Variants in CSMD3 observed in about 807,000 individuals in gnomAD.
CSMD3 encodes CUB and sushi domain-containing protein 3.
A neutral mutation model predicts 435.2 loss-of-function variants in CSMD3; 177 were observed. That is an observed-to-expected ratio of 0.41 (90% confidence interval 0.36 to 0.46). The LOEUF (loss-of-function observed/expected upper bound fraction) is 0.46. CSMD3 is among the 20% of genes least tolerant of loss of function. The pLI, the probability that CSMD3 is intolerant of heterozygous loss-of-function variation, is 0.34. For synonymous variants in CSMD3, 1,656 were observed against 1,520.5 expected (o/e 1.09, Z -2.07); for missense variants, 4,265 against 4,504.6 (o/e 0.95, Z 1.52).
chr8:112,952,081 T>G (rs757401055), intron 8 of CSMD3, among the ~76,000 whole-genome samples: 1 of 151,536 alleles, frequency 6.6e-6, no homozygotes, highest in African/African-American at 2.4e-5. Context: ...ATAGTTTCTT[T>G]TCTTGGTGAA....
intron 13 of CSMD3, among the ~76,000 whole-genome samples, chr8:112,725,341 G>A (rs73702203): frequency 6.6e-6 from 1 of 151,884 alleles, no homozygotes; most frequent in Non-Finnish European, 1.5e-5. Context: ...TGCGACTTCA[G>A]TTATATTAAC....
chr8:112,948,630 T>G (rs1437152675), intron 8 of CSMD3, among the ~76,000 whole-genome samples: 1 of 151,966 alleles, frequency 6.6e-6, no homozygotes, highest in South Asian at 2.1e-4. Flanking sequence ...AATATCTGAG[T>G]GATATTGTTT....
chr8:113,376,776 C>A, intron 1 of CSMD3: 1 of 1,613,900 alleles, frequency 6.2e-7, no homozygotes, highest in Non-Finnish European at 8.5e-7. Context: ...AGGTTTCCAG[C>A]AAAGGAACCA....
At chr8:112,348,112 G>A (rs1011555356) in intron 40 of CSMD3, among the ~76,000 whole-genome samples, 4 of 152,196 alleles carry the variant, frequency 2.6e-5, no homozygotes, top group Admixed American at 6.5e-5. Context: ...AATCATTAGA[G>A]ACATATGAAG....
intron 13 of CSMD3, among the ~76,000 whole-genome samples, chr8:112,743,196 C>T (rs1023951390): frequency 6.6e-6 from 1 of 151,628 alleles, no homozygotes; most frequent in African/African-American, 2.4e-5. Context: ...CAAACTAAAT[C>T]TTAAGAGACA....
chr8:112,992,870 T>C (rs1255804252), intron 6 of CSMD3, among the ~76,000 whole-genome samples: 2 of 151,364 alleles, frequency 1.3e-5, no homozygotes, highest in Non-Finnish European at 3.0e-5. Flanking sequence ...GGTAGTTTGC[T>C]GCTATAAGAA....
chr8:112,783,991 T>C (rs2078470221), intron 13 of CSMD3, among the ~76,000 whole-genome samples: 1 of 152,200 alleles, frequency 6.6e-6, no homozygotes, highest in Non-Finnish European at 1.5e-5. Context: ...AATACAATTA[T>C]AGCTGGAGAT....
intron 32 of CSMD3, among the ~76,000 whole-genome samples, chr8:112,419,878 G>A (rs773548456): frequency 2.0e-5 from 3 of 151,872 alleles, no homozygotes; most frequent in Non-Finnish European, 2.9e-5. Flanking sequence ...AAAAGCAAAC[G>A]AAATAAAGAA....
At chr8:112,769,035 T>G (rs1313113655) in intron 13 of CSMD3, among the ~76,000 whole-genome samples, 2 of 151,912 alleles carry the variant, frequency 1.3e-5, no homozygotes, top group East Asian at 1.9e-4. Flanking sequence ...AGTTTATACA[T>G]GTAAAACATA....
intron 13 of CSMD3, among the ~76,000 whole-genome samples, chr8:112,753,631 C>A (rs1432326503): frequency 1.3e-5 from 2 of 152,128 alleles, no homozygotes; most frequent in South Asian, 4.1e-4. Context: ...TATAAAAGAT[C>A]TTTTCATGGA....
chr8:112,749,558 C>A (rs1370078832), intron 13 of CSMD3, among the ~76,000 whole-genome samples: 1 of 151,928 alleles, frequency 6.6e-6, no homozygotes, highest in Non-Finnish European at 1.5e-5. Flanking sequence ...AAGACTTAAA[C>A]GTAAAACCCA....
chr8:113,153,912 T>A (rs984914267), intron 4 of CSMD3, among the ~76,000 whole-genome samples: 3 of 151,960 alleles, frequency 2.0e-5, no homozygotes, highest in African/African-American at 7.2e-5. Context: ...AAGCTTGTGA[T>A]GGTATGAGAA....
chr8:113,077,979 T>G (rs1466956971), intron 5 of CSMD3, among the ~76,000 whole-genome samples: 1 of 152,162 alleles, frequency 6.6e-6, no homozygotes, highest in Non-Finnish European at 1.5e-5. Context: ...AACAAAAGCA[T>G]GAAAAGACAT....
intron 13 of CSMD3, among the ~76,000 whole-genome samples, chr8:112,755,715 A>G (rs2077682862): frequency 6.6e-6 from 1 of 151,102 alleles, no homozygotes; most frequent in African/African-American, 2.4e-5. Flanking sequence ...TGACAAGGAT[A>G]ACCACAACCA....
At chr8:112,815,685 G>A (rs950906548) in intron 12 of CSMD3, among the ~76,000 whole-genome samples, 1 of 152,006 alleles carries the variant, frequency 6.6e-6, no homozygotes, top group Non-Finnish European at 1.5e-5. Context: ...ACAATTCAAT[G>A]TATTCAAAAA....
At chr8:112,805,723 C>T (rs2079070051) in intron 12 of CSMD3, among the ~76,000 whole-genome samples, 1 of 152,130 alleles carries the variant, frequency 6.6e-6, no homozygotes, top group Admixed American at 6.5e-5. Context: ...TTTCTCATTG[C>T]TCTAGTAAAC....
chr8:112,934,544 T>A (rs2083217470), intron 9 of CSMD3, among the ~76,000 whole-genome samples: 1 of 152,200 alleles, frequency 6.6e-6, no homozygotes, highest in Admixed American at 6.6e-5. Context: ...GTGGCTGCTC[T>A]GATGAAAAGC....
intron 1 of CSMD3, among the ~76,000 whole-genome samples, chr8:113,410,958 G>GAAAGAAAGAAAGAAAGAAAGA (rs1254597642): frequency 1.1e-5 from 1 of 95,148 alleles, no homozygotes; most frequent in Non-Finnish European, 2.2e-5. Flanking sequence ...AGAAAGAGAA[G>GAAAGAAAGAAAGAAAGAAAGA]GGAGGGAGGG....
At chr8:112,875,327 C>T (rs956330839) in intron 10 of CSMD3, among the ~76,000 whole-genome samples, 18 of 152,272 alleles carry the variant, frequency 1.2e-4, no homozygotes, top group Middle Eastern at 3.4e-3. Flanking sequence ...GTAACCCAAC[C>T]TTTCTTGCTG....
Sources: allele counts gnomAD v4.1 joint callset (sites outside exome capture counted in the v4.1 genomes callset), GRCh38; gene constraint gnomAD v4.1.1; transcripts MANE v1.5; gene names NCBI Gene and HGNC (gene_info 2026-07-23, HGNC 2026-07-21).